The following IPO8 variants were observed in gnomAD, a reference collection of about 807,000 sequenced individuals.
The protein encoded by IPO8 is importin-8.
In IPO8, 65 loss-of-function variants were observed where a neutral mutation model predicts 141.2. That is an observed-to-expected ratio of 0.46 (90% CI 0.38 to 0.57). The LOEUF is 0.57. Ranked by LOEUF, IPO8 falls within the 20% of genes least tolerant of loss-of-function variation. The pLI is 0.00. For missense variants in IPO8, 980 were observed against 1,246.8 expected (o/e 0.79, Z 3.22); for synonymous variants, 411 against 420.3 (o/e 0.98, Z 0.27).
Position 30,639,300 on chromosome 12 carries a change from G to A in IPO8, c.2489+215C>T, listed in dbSNP as rs7955750. 9.4e-3 allele frequency among the ~76,000 whole-genome samples: 1,422 copies of A among 151,984 alleles called. 17 individuals carry two copies. The highest frequency in any genetic ancestry group is 0.033 in the African/African-American group (1,350 of 41,418). ...AAATAAATAAAAAAAATAAAAGCGG[G>A]AAAGGGCTACATCAAATTTTCAGAG... On this transcript the variant is annotated intron_variant, in intron 21 of 24. Transcript: ENST00000256079.
chr12:30,632,426 C>CCTGGA (rs2052446047), intron 23 of IPO8, among the ~76,000 whole-genome samples: 2 of 152,294 alleles, frequency 1.3e-5, no homozygotes, highest in East Asian at 3.9e-4. Context: ...CCCTAAGCCT[C>CCTGGA]CTGGACTGTT....
intron 3 of IPO8, among the ~76,000 whole-genome samples, chr12:30,683,931 C>A (rs2053213994): frequency 6.6e-6 from 1 of 152,072 alleles, no homozygotes; most frequent in Non-Finnish European, 1.5e-5. Context: ...TAAAAATTCC[C>A]AGAATCAGTC....
At position 30,695,766 on chromosome 12, in the gene IPO8, C is replaced by T. The variant is rs574753993; in HGVS notation, c.-119G>A. On this transcript the variant is annotated 5_prime_UTR_variant, in exon 1 of 25. Coordinates refer to ENST00000256079, the MANE Select transcript of IPO8 (RefSeq NM_006390.4). The surrounding 1 kb of genome is among the most constrained non-coding windows in gnomAD (Gnocchi z 4.2). ...CCTGGATTACCTCACACCCCACCCC[C>T]CGCCACCGTCGCCACCTGCGGCCAC... 2.8e-5 allele frequency: 25 copies of T among 894,280 alleles called. No individual in the cohort carries two copies. In the South Asian group the frequency reaches 4.0e-4, roughly 14 times the overall value. The allele number at this position is 894,280 out of a possible 1,614,324, so 55.4% of individuals were successfully genotyped here. A position where few individuals can be genotyped will look rare whatever the true frequency, so the allele number is the denominator to read the frequency against.
At chr12:30,668,424 T>C (rs1182764791) in intron 10 of IPO8, among the ~76,000 whole-genome samples, 1 of 152,180 alleles carries the variant, frequency 6.6e-6, no homozygotes, top group Non-Finnish European at 1.5e-5. Context: ...GCGCTAGATT[T>C]AGCAATCATT....
chr12:30,671,751 A>C (rs954495742), intron 8 of IPO8, among the ~76,000 whole-genome samples: 1 of 151,692 alleles, frequency 6.6e-6, no homozygotes, highest in Non-Finnish European at 1.5e-5. Flanking sequence ...CCATACAACA[A>C]GAGACAGCAC....
At chr12:30,673,213 T>A (rs191369021) in intron 8 of IPO8, among the ~76,000 whole-genome samples, 1 of 151,976 alleles carries the variant, frequency 6.6e-6, no homozygotes, top group Non-Finnish European at 1.5e-5. Context: ...GAGCCGAGAT[T>A]GTGCCACTGC....
At chr12:30,650,619 T>C (rs2052713256) in intron 19 of IPO8, among the ~76,000 whole-genome samples, 1 of 152,038 alleles carries the variant, frequency 6.6e-6, no homozygotes, top group African/African-American at 2.4e-5. Context: ...TCCCCATCTA[T>C]AAAATGGGAA....
intron 18 of IPO8, 128 bp downstream of exon 18, chr12:30,652,839 T>C (rs551574769): frequency 2.3e-6 from 2 of 888,294 alleles, no homozygotes; most frequent in African/African-American, 3.4e-5. Flanking sequence ...GCCCCAGCTT[T>C]TATGTGACCG....
chr12:30,680,079 A>T (rs1257835391), intron 5 of IPO8, among the ~76,000 whole-genome samples: 1 of 152,036 alleles, frequency 6.6e-6, no homozygotes, highest in African/African-American at 2.4e-5. Flanking sequence ...TACCATCAAT[A>T]TGATTTCCCA....
At chr12:30,645,384 A>G (rs954928026) in intron 20 of IPO8, among the ~76,000 whole-genome samples, 17 of 152,038 alleles carry the variant, frequency 1.1e-4, no homozygotes, top group African/African-American at 4.1e-4. Context: ...AAAAAAAAAA[A>G]AAAGAGACAG....
At chr12:30,641,885 T>G (rs1565494460) in intron 20 of IPO8, among the ~76,000 whole-genome samples, 1 of 152,076 alleles carries the variant, frequency 6.6e-6, no homozygotes, top group Non-Finnish European at 1.5e-5. Context: ...AATGTAGTCA[T>G]GAATCTGAAT....
At chr12:30,632,102 T>C (rs2052441027) in intron 23 of IPO8, 91 bp from the exon 24 acceptor site, 1 of 798,512 alleles carries the variant, frequency 1.3e-6, no homozygotes, top group Admixed American at 2.2e-5. Context: ...AAAGAAATTA[T>C]CCCAGACAGT....
intron 4 of IPO8, 138 bp from the exon 5 acceptor site, chr12:30,680,776 T>C (rs75595792): frequency 0.036 from 23,543 of 645,454 alleles, 716 homozygotes; most frequent in African/African-American, 0.11. Context: ...TTGTTTGAAT[T>C]GCTAGAATTA....
intron 20 of IPO8, among the ~76,000 whole-genome samples, chr12:30,643,874 T>C (rs1047033478): frequency 6.6e-6 from 1 of 152,208 alleles, no homozygotes; most frequent in African/African-American, 2.4e-5. Context: ...CTTCTGAACC[T>C]CTCCCCAACC....
intron 8 of IPO8, among the ~76,000 whole-genome samples, chr12:30,671,531 G>A (rs910355763): frequency 1.3e-5 from 2 of 151,850 alleles, no homozygotes; most frequent in African/African-American, 4.8e-5. Flanking sequence ...AAAATTAGCC[G>A]GGCGTGGTGG....
chr12:30,672,200 T>C (rs1333428422), intron 8 of IPO8, among the ~76,000 whole-genome samples: 1 of 152,198 alleles, frequency 6.6e-6, no homozygotes, highest in East Asian at 1.9e-4. Flanking sequence ...ATCAAGCTTA[T>C]AAGTGAGTTG....
Position 30,695,632 on chromosome 12 carries a change from T to G in IPO8, c.16A>C (p.Ile6Leu). MDLNRIIQALKGTIDP... is the reference protein window; with the variant it reads MDLNRLIQALKGTIDP... ...ATGGTGCCCTTCAGCGCCTGGATGATCCGGTTGAGGTCCATCTCCCCGGGT... is the reference window on the plus strand; with the variant it reads ...ATGGTGCCCTTCAGCGCCTGGATGAGCCGGTTGAGGTCCATCTCCCCGGGT... Residue 6 changes from isoleucine to leucine, a missense_variant, in exon 1 of 25, where the codon ATC becomes CTC. Coordinates refer to ENST00000256079, the MANE Select transcript of IPO8 (RefSeq NM_006390.4). This position sits in a 1 kb window ranked among gnomAD's most constrained non-coding sequence, Gnocchi z 4.2. The G allele has an allele frequency of 1.2e-6, 2 of 1,614,070 alleles. No homozygotes were observed. Among genetic ancestry groups the G allele is most frequent in the Non-Finnish European group, 1.7e-6 (2 of 1,179,938 alleles).
chr12:30,642,098 A>AGGCAG (rs1227684912), intron 20 of IPO8, among the ~76,000 whole-genome samples: 1 of 152,136 alleles, frequency 6.6e-6, no homozygotes, highest in Non-Finnish European at 1.5e-5. Flanking sequence ...CGGGAGGCTG[A>AGGCAG]GGCAGGAGAA....
chr12:30,687,559 T>G (rs775814442), intron 2 of IPO8, among the ~76,000 whole-genome samples: 3 of 152,102 alleles, frequency 2.0e-5, no homozygotes, highest in Non-Finnish European at 2.9e-5. Context: ...TTGCTGTTTT[T>G]CATTGTAATT....
Sources: gnomAD v4.1 joint callset for allele counts (sites outside exome capture counted in the v4.1 genomes callset) on GRCh38, gnomAD v4.1.1 for gene constraint, Gnocchi (gnomAD v3.1) non-coding constraint, MANE v1.5 for transcripts, NCBI Gene and HGNC (gene_info 2026-07-23, HGNC 2026-07-21) for gene names.